The following DSE variants were observed in gnomAD, a reference collection of about 807,000 sequenced individuals.
DSE encodes the protein dermatan sulfate epimerase.
A neutral mutation model predicts 84.4 loss-of-function variants in DSE; 36 were observed. That is an observed-to-expected ratio of 0.43 (90% CI 0.33 to 0.56). The LOEUF is 0.56. DSE is among the 20% of genes least tolerant of loss of function. DSE has a pLI of 0.06. For synonymous variants in DSE, 410 were observed against 430.1 expected (o/e 0.95, Z 0.58); for missense variants, 862 against 1,169.6 (o/e 0.74, Z 3.84).
chr6:116,284,514 T>A (rs915218998), intron 2 of DSE, among the ~76,000 whole-genome samples: 11 of 152,010 alleles, frequency 7.2e-5, no homozygotes, highest in Non-Finnish European at 1.0e-4. Flanking sequence ...TTCTTTTTTT[T>A]ATTATTATTA....
At chr6:116,339,174 T>A (rs1777442390) in intron 2 of DSE, among the ~76,000 whole-genome samples, 1 of 152,228 alleles carries the variant, frequency 6.6e-6, no homozygotes, top group Middle Eastern at 3.2e-3. Context: ...TGTGTCCTGA[T>A]CTTTTCATCT....
At chr6:116,312,878 A>G (rs965325223) in intron 2 of DSE, among the ~76,000 whole-genome samples, 2 of 152,186 alleles carry the variant, frequency 1.3e-5, no homozygotes, top group African/African-American at 4.8e-5. Context: ...AAGTAAATGT[A>G]ATTTGGGATG....
intron 3 of DSE, 91 bp downstream of exon 3, chr6:116,426,918 T>C: frequency 6.8e-7 from 1 of 1,478,356 alleles, no homozygotes; most frequent in South Asian, 1.3e-5. Context: ...CCATTCTTAG[T>C]ACATGTTCAT....
At chr6:116,392,443 T>C (rs937100253) in intron 1 of DSE, among the ~76,000 whole-genome samples, 1 of 152,188 alleles carries the variant, frequency 6.6e-6, no homozygotes, top group African/African-American at 2.4e-5. Flanking sequence ...TGGGGGATTA[T>C]TCCTAATCAT....
chr6:116,376,564 A>T (rs996441883), intron 1 of DSE, among the ~76,000 whole-genome samples: 1 of 152,246 alleles, frequency 6.6e-6, no homozygotes, highest in African/African-American at 2.4e-5. Flanking sequence ...AGAATAACAT[A>T]TGAAATTTAA....
intron 2 of DSE, among the ~76,000 whole-genome samples, chr6:116,322,416 A>G (rs1373040751): frequency 6.6e-6 from 1 of 152,096 alleles, no homozygotes. Context: ...ATGATGTTAA[A>G]TAAAAGAGAT....
intron 2 of DSE, among the ~76,000 whole-genome samples, chr6:116,361,209 G>A (rs927221119): frequency 3.9e-5 from 6 of 151,976 alleles, no homozygotes; most frequent in East Asian, 1.9e-4. Context: ...ACAGGTGTAC[G>A]CCACCACGCC....
intron 2 of DSE, among the ~76,000 whole-genome samples, chr6:116,322,960 A>G (rs1337387556): frequency 6.6e-6 from 1 of 152,208 alleles, no homozygotes; most frequent in East Asian, 1.9e-4. Context: ...GGCTGTGGGA[A>G]GTCCTCCCCT....
intron 1 of DSE, among the ~76,000 whole-genome samples, chr6:116,372,240 A>G (rs1009068310): frequency 6.6e-6 from 1 of 152,200 alleles, no homozygotes; most frequent in Admixed American, 6.5e-5. Context: ...AGGCCGAGGC[A>G]GGCGGATCAC....
intron 2 of DSE, chr6:116,400,319 C>A (rs1781513705): frequency 6.6e-6 from 1 of 152,132 alleles, no homozygotes. Flanking sequence ...TGCTTCCAAA[C>A]AGATATGGGA....
intron 2 of DSE, among the ~76,000 whole-genome samples, chr6:116,280,434 C>T (rs1029263568): frequency 6.6e-5 from 10 of 152,184 alleles, no homozygotes; most frequent in African/African-American, 2.4e-4. Flanking sequence ...TAAAGCGATG[C>T]ATAGTATTCA....
intron 2 of DSE, among the ~76,000 whole-genome samples, chr6:116,405,638 G>A (rs1332626859): frequency 1.3e-5 from 2 of 152,176 alleles, no homozygotes; most frequent in South Asian, 4.1e-4. Context: ...AACTTATGAG[G>A]CTTTTTACAA....
At chr6:116,342,901 A>G (rs757770828) in intron 2 of DSE, among the ~76,000 whole-genome samples, 12 of 152,176 alleles carry the variant, frequency 7.9e-5, no homozygotes, top group Non-Finnish European at 1.3e-4. Context: ...CTAGCCAAGG[A>G]AAGCCATGAC....
chr6:116,359,368 T>A (rs1778758245), intron 2 of DSE, among the ~76,000 whole-genome samples: 1 of 152,260 alleles, frequency 6.6e-6, no homozygotes, highest in South Asian at 2.1e-4. Flanking sequence ...TAAACCTCCA[T>A]ACTATTATTT....
At chr6:116,329,989 G>T (rs1373816393) in intron 2 of DSE, among the ~76,000 whole-genome samples, 1 of 151,834 alleles carries the variant, frequency 6.6e-6, no homozygotes, top group Non-Finnish European at 1.5e-5. Flanking sequence ...ACGCCCAGCT[G>T]ATTTTTTGTA....
At chr6:116,379,994 G>A (rs189411766) in intron 1 of DSE, among the ~76,000 whole-genome samples, 2 of 152,208 alleles carry the variant, frequency 1.3e-5, no homozygotes, top group Admixed American at 1.3e-4. Context: ...ACAGATCCTA[G>A]GGTGGTTATA....
At chr6:116,304,969 T>G (rs1775256402) in intron 2 of DSE, among the ~76,000 whole-genome samples, 2 of 152,166 alleles carry the variant, frequency 1.3e-5, no homozygotes, top group Non-Finnish European at 2.9e-5. Flanking sequence ...ATATCTCACT[T>G]GAGCTCCATG....
At chr6:116,399,156 C>T in intron 1 of DSE, 42 bp from the exon 2 acceptor site, 2 of 1,544,612 alleles carry the variant, frequency 1.3e-6, no homozygotes, top group Admixed American at 1.7e-5. Flanking sequence ...TGCCATGTTC[C>T]CTTGGCTGAC....
intron 2 of DSE, among the ~76,000 whole-genome samples, chr6:116,416,164 G>T (rs76228526): frequency 6.6e-6 from 1 of 152,144 alleles, no homozygotes; most frequent in East Asian, 1.9e-4. Context: ...GCCAAGAAAG[G>T]TTCTTTGCTT....
Sources: gnomAD v4.1 joint callset for allele counts (sites outside exome capture counted in the v4.1 genomes callset) on GRCh38, gnomAD v4.1.1 for gene constraint, MANE v1.5 for transcripts, NCBI Gene and HGNC (gene_info 2026-07-23, HGNC 2026-07-21) for gene names.